The following MEMO1 variants were observed in gnomAD, a reference collection of about 807,000 sequenced individuals.
MEMO1 encodes protein MEMO1.
MEMO1 carries 6 observed loss-of-function variants against 45.2 expected under a neutral mutation model. That is an observed-to-expected ratio of 0.13 (90% CI 0.07 to 0.26). The LOEUF (loss-of-function observed/expected upper bound fraction) is 0.26, where lower values mean the gene tolerates loss of function less well. Ranked by LOEUF, MEMO1 falls within the 10% of genes least tolerant of loss-of-function variation. MEMO1 has a pLI of 1.00. For synonymous variants in MEMO1, 78 were observed against 124.3 expected (o/e 0.63, Z 2.48); for missense variants, 184 against 370.5 (o/e 0.50, Z 4.13).
intron 2 of MEMO1, among the ~76,000 whole-genome samples, chr2:31,988,422 C>T (rs1028206459): frequency 6.6e-5 from 10 of 152,148 alleles, no homozygotes; most frequent in Non-Finnish European, 1.5e-4. Flanking sequence ...TGGCACACGC[C>T]TGTAATCCCA....
chr2:31,934,285 A>G (rs1356417022), intron 3 of MEMO1, among the ~76,000 whole-genome samples: 1 of 152,042 alleles, frequency 6.6e-6, no homozygotes, highest in East Asian at 1.9e-4. Context: ...TAAAGGCTCT[A>G]ATCCCCAATC....
At chr2:31,977,039 A>G (rs1670083194) in intron 2 of MEMO1, among the ~76,000 whole-genome samples, 1 of 152,202 alleles carries the variant, frequency 6.6e-6, no homozygotes, top group Non-Finnish European at 1.5e-5. Flanking sequence ...AGCACCTAAT[A>G]AAGGATTTAG....
At chr2:31,882,730 T>G (rs1393034285) in intron 8 of MEMO1, among the ~76,000 whole-genome samples, 1 of 152,112 alleles carries the variant, frequency 6.6e-6, no homozygotes, top group African/African-American at 2.4e-5. Flanking sequence ...ACTGTCATCA[T>G]AAGGCTATGA....
At chr2:31,996,285 C>T (rs1157000609) in intron 2 of MEMO1, among the ~76,000 whole-genome samples, 1 of 151,972 alleles carries the variant, frequency 6.6e-6, no homozygotes, top group African/African-American at 2.4e-5. Context: ...CGGTGGCTCA[C>T]ACCTGTAATC....
At chr2:31,896,942 T>A (rs939473494) in intron 6 of MEMO1, among the ~76,000 whole-genome samples, 1 of 152,090 alleles carries the variant, frequency 6.6e-6, no homozygotes, top group Non-Finnish European at 1.5e-5. Context: ...GTCCTTCACA[T>A]CCCTCGTAAG....
At chr2:31,876,791 T>C (rs1448239795) in intron 8 of MEMO1, among the ~76,000 whole-genome samples, 1 of 152,140 alleles carries the variant, frequency 6.6e-6, no homozygotes, top group Non-Finnish European at 1.5e-5. Context: ...GACATTTCCT[T>C]GACCCCCCAA....
intron 2 of MEMO1, among the ~76,000 whole-genome samples, chr2:31,982,584 G>A (rs1236943837): frequency 1.3e-3 from 160 of 124,768 alleles, no homozygotes; most frequent in African/African-American, 4.2e-3. Flanking sequence ...GCAAGACTCC[G>A]TCTCAAAAAA....
intron 2 of MEMO1, among the ~76,000 whole-genome samples, chr2:31,944,358 T>C (rs1156974377): frequency 6.6e-6 from 1 of 152,208 alleles, no homozygotes; most frequent in African/African-American, 2.4e-5. Context: ...TTCCAGAAGA[T>C]AATGATCAAT....
At chr2:31,910,283 G>A (rs1007710223) in intron 6 of MEMO1, among the ~76,000 whole-genome samples, 1 of 152,096 alleles carries the variant, frequency 6.6e-6, no homozygotes, top group Non-Finnish European at 1.5e-5. Flanking sequence ...TCAGAGAAGA[G>A]TAAGGATATA....
At chr2:31,972,174 G>T (rs971723017) in intron 2 of MEMO1, among the ~76,000 whole-genome samples, 1 of 152,122 alleles carries the variant, frequency 6.6e-6, no homozygotes, top group African/African-American at 2.4e-5. Context: ...CAGAGAGATG[G>T]TCTGGTGGTC....
At chr2:31,943,130 T>C (rs1439010218) in intron 3 of MEMO1, among the ~76,000 whole-genome samples, 172 bp downstream of exon 3, 3 of 152,060 alleles carry the variant, frequency 2.0e-5, no homozygotes, top group Non-Finnish European at 4.4e-5. Context: ...CCAGGTGTGG[T>C]GGCACACGCC....
chr2:31,868,517 G>A, intron 9 of MEMO1, 25 bp from the exon 10 acceptor site: 2 of 1,572,946 alleles, frequency 1.3e-6, no homozygotes, highest in Non-Finnish European at 1.7e-6. Context: ...AATTTGGTTA[G>A]GACACACATC....
chr2:31,893,498 C>T (rs1207686987), intron 6 of MEMO1, among the ~76,000 whole-genome samples: 6 of 152,046 alleles, frequency 3.9e-5, no homozygotes, highest in Non-Finnish European at 7.4e-5. Flanking sequence ...CTACTACCTA[C>T]ATAAAAAAAT....
intron 2 of MEMO1, among the ~76,000 whole-genome samples, chr2:31,957,142 C>CAAAAAA (rs754542523): frequency 1.3e-5 from 1 of 77,676 alleles, no homozygotes. Context: ...AACTCCGTCT[C>CAAAAAA]AAAAAAAAAA....
At chr2:31,922,618 C>T (rs1017669517) in intron 4 of MEMO1, among the ~76,000 whole-genome samples, 3 of 151,616 alleles carry the variant, frequency 2.0e-5, no homozygotes, top group African/African-American at 7.3e-5. Context: ...TTTTTTTATC[C>T]TCATCCTCCT....
At chr2:31,905,794 C>T (rs1679581267) in intron 6 of MEMO1, among the ~76,000 whole-genome samples, 1 of 152,094 alleles carries the variant, frequency 6.6e-6, no homozygotes, top group African/African-American at 2.4e-5. Context: ...GTGTAGAATC[C>T]TCATGATTCT....
At chr2:31,945,515 GTAC>G (rs1666088589) in intron 2 of MEMO1, among the ~76,000 whole-genome samples, 1 of 152,144 alleles carries the variant, frequency 6.6e-6, no homozygotes, top group Non-Finnish European at 1.5e-5. Context: ...AATTCTACCT[GTAC>G]TCCCCGACCC....
chr2:31,906,806 TAA>T (rs1157770156), intron 6 of MEMO1, among the ~76,000 whole-genome samples: 1 of 152,202 alleles, frequency 6.6e-6, no homozygotes, highest in East Asian at 1.9e-4. Flanking sequence ...TGTATCTCTA[TAA>T]GTCAGCTACT....
intron 6 of MEMO1, among the ~76,000 whole-genome samples, chr2:31,896,210 G>C (rs116625477): frequency 1.8e-4 from 28 of 152,146 alleles, no homozygotes; most frequent in African/African-American, 6.0e-4. Context: ...TTAACAAATA[G>C]TACTAGGACA....
Sources: allele counts gnomAD v4.1 joint callset (sites outside exome capture counted in the v4.1 genomes callset), GRCh38; gene constraint gnomAD v4.1.1; transcripts MANE v1.5; gene names NCBI Gene and HGNC (gene_info 2026-07-23, HGNC 2026-07-21).